CHMP3: variants seen among roughly 807,000 people sequenced by gnomAD.
CHMP3 encodes 25.1 protein.
In CHMP3, 8 loss-of-function variants were observed where a neutral mutation model predicts 27.4. The ratio of observed to expected loss-of-function variants is 0.29; its 90% CI spans 0.17 to 0.53. CHMP3 has a LOEUF of 0.53. Ranked by LOEUF, CHMP3 falls within the 20% of genes least tolerant of loss-of-function variation. CHMP3 has a pLI of 0.96. For synonymous variants in CHMP3, 86 were observed against 85.5 expected (o/e 1.01, Z -0.03); for missense variants, 208 against 271.5 (o/e 0.77, Z 1.64).
intron 1 of CHMP3, among the ~76,000 whole-genome samples, chr2:86,550,483 C>T (rs1234410241): frequency 6.6e-6 from 1 of 151,280 alleles, no homozygotes; most frequent in African/African-American, 2.4e-5. Flanking sequence ...AAACAAGACA[C>T]AAAGGCAATA....
chr2:86,530,277 G>C (rs555884426), intron 2 of CHMP3, among the ~76,000 whole-genome samples: 1 of 152,128 alleles, frequency 6.6e-6, no homozygotes, highest in Non-Finnish European at 1.5e-5. Flanking sequence ...ACAGGCATGA[G>C]CCACCGCACC....
intron 1 of CHMP3, among the ~76,000 whole-genome samples, chr2:86,550,344 C>A (rs1354056818): frequency 1.3e-5 from 2 of 151,672 alleles, no homozygotes; most frequent in African/African-American, 2.4e-5. Flanking sequence ...GCAGTACAGT[C>A]CAGCCTCGGC....
At chr2:86,547,554 T>C (rs1676659657) in intron 1 of CHMP3, among the ~76,000 whole-genome samples, 1 of 152,222 alleles carries the variant, frequency 6.6e-6, no homozygotes, top group African/African-American at 2.4e-5. Context: ...TTAAAAATAC[T>C]AATTTAACTG....
chr2:86,551,294 T>C (rs1484115105), intron 1 of CHMP3, among the ~76,000 whole-genome samples: 1 of 151,806 alleles, frequency 6.6e-6, no homozygotes, highest in Non-Finnish European at 1.5e-5. Flanking sequence ...TTTTTTTTTT[T>C]TGAGATGGAG....
At position 86,506,065 on chromosome 2, in the gene CHMP3, C is replaced by T; in HGVS notation, c.524-116G>A. 3 of 1,261,058 alleles carry T rather than the reference C, an allele frequency of 2.4e-6. No homozygotes were observed. In the East Asian group the frequency reaches 8.8e-5, roughly 37 times the overall value. 78.1% of individuals were successfully genotyped at this position (1,261,058 alleles called of 1,614,324 possible). The stretch of plus-strand genomic sequence containing the variant: ...CAGATACAAAAATGAGACAGTACAG[C>T]AAGCTGTTTTTGGGGGGGTTTACTC... On this transcript the variant is annotated intron_variant, in intron 5 of 5. Coordinates refer to ENST00000263856, the MANE Select transcript of CHMP3 (RefSeq NM_016079.4).
rs112655248 is a variant in CHMP3 at position 86,503,868 on chromosome 2, T to C, written c.*1936A>G. 2.5e-4 allele frequency: 38 copies of C among 152,330 alleles called. No homozygotes were observed. Among genetic ancestry groups the C allele is most frequent in the African/African-American group, 8.9e-4 (37 of 41,568 alleles). The allele number at this position is 152,330 out of a possible 1,614,324, so 9.4% of individuals were successfully genotyped here. ...TAGGAACAGGAAACCAAATATTCCA[T>C]GTTCTCACAAGTGGGAGTGAAATAA... On this transcript the variant is annotated 3_prime_UTR_variant, in exon 6 of 6. Transcript: ENST00000263856.
At chr2:86,551,144 T>A (rs543367610) in intron 1 of CHMP3, among the ~76,000 whole-genome samples, 3 of 152,212 alleles carry the variant, frequency 2.0e-5, no homozygotes, top group Non-Finnish European at 4.4e-5. Context: ...ATTAATCCTA[T>A]CAGGGGATAG....
At chr2:86,521,687 C>T (rs916384813) in intron 3 of CHMP3, among the ~76,000 whole-genome samples, 2 of 152,188 alleles carry the variant, frequency 1.3e-5, no homozygotes, top group Non-Finnish European at 2.9e-5. Context: ...TAGTATTCAT[C>T]CTTTTTTGAG....
At chr2:86,508,878 A>G (rs1335933921) in intron 4 of CHMP3, among the ~76,000 whole-genome samples, 2 of 152,360 alleles carry the variant, frequency 1.3e-5, no homozygotes, top group East Asian at 1.9e-4. Context: ...GGGGGCTACC[A>G]TAAAAGAAGT....
At chr2:86,511,776 CAG>C (rs1675116494) in intron 3 of CHMP3, 1 of 151,922 alleles carries the variant, frequency 6.6e-6, no homozygotes, top group Non-Finnish European at 1.5e-5. Flanking sequence ...GTCTGTAACC[CAG>C]AGAGAGTACC....
chr2:86,559,165 G>A (rs1440527596), intron 1 of CHMP3, among the ~76,000 whole-genome samples: 2 of 152,164 alleles, frequency 1.3e-5, no homozygotes, highest in Admixed American at 1.3e-4. Flanking sequence ...TTGAGGGTCT[G>A]GACATAACAA....
intron 3 of CHMP3, among the ~76,000 whole-genome samples, chr2:86,525,744 ATTT>A (rs781074090): frequency 6.6e-6 from 1 of 152,140 alleles, no homozygotes; most frequent in Non-Finnish European, 1.5e-5. Flanking sequence ...CATATGTTTA[ATTT>A]TTTAATGATG....
chr2:86,548,896 G>A (rs568984245), intron 1 of CHMP3, among the ~76,000 whole-genome samples: 1 of 149,438 alleles, frequency 6.7e-6, no homozygotes, highest in East Asian at 2.1e-4. Flanking sequence ...GGGCAGCCGG[G>A]CAGAGGTGCT....
chr2:86,540,466 TTGCATCATACCA>T (rs2103980055), intron 2 of CHMP3, among the ~76,000 whole-genome samples: 1 of 152,240 alleles, frequency 6.6e-6, no homozygotes, highest in African/African-American at 2.4e-5. Context: ...TTTGGAATGT[TTGCATCATACCA>T]TGCATCATAC....
chr2:86,523,501 C>T (rs72932362), intron 3 of CHMP3, among the ~76,000 whole-genome samples: 2,947 of 152,190 alleles, frequency 0.019, 29 homozygotes, highest in Non-Finnish European at 0.026. Flanking sequence ...GTAATATTCA[C>T]GATTTTAACC....
intron 2 of CHMP3, among the ~76,000 whole-genome samples, chr2:86,540,232 T>C (rs1030346896): frequency 6.6e-6 from 1 of 152,130 alleles, no homozygotes; most frequent in Non-Finnish European, 1.5e-5. Flanking sequence ...GCTTAATAGT[T>C]TTCATCATGT....
intron 3 of CHMP3, among the ~76,000 whole-genome samples, chr2:86,524,037 C>G (rs1449548121): frequency 6.6e-6 from 1 of 152,004 alleles, no homozygotes; most frequent in Non-Finnish European, 1.5e-5. Flanking sequence ...ATATATACAG[C>G]AATTACTATG....
At chr2:86,556,376 TG>T (rs556065445) in intron 1 of CHMP3, among the ~76,000 whole-genome samples, 233 of 152,352 alleles carry the variant, frequency 1.5e-3, no homozygotes, top group Non-Finnish European at 2.3e-3. Flanking sequence ...CACTGTCAGC[TG>T]AGTATATATC....
chr2:86,521,204 G>A (rs549925248), intron 3 of CHMP3, among the ~76,000 whole-genome samples: 1 of 151,936 alleles, frequency 6.6e-6, no homozygotes, highest in Non-Finnish European at 1.5e-5. Flanking sequence ...TCTCTTTTTG[G>A]ACTCAGCCCA....
Sources: allele counts gnomAD v4.1 joint callset (sites outside exome capture counted in the v4.1 genomes callset), GRCh38; gene constraint gnomAD v4.1.1; transcripts MANE v1.5; gene names NCBI Gene and HGNC (gene_info 2026-07-23, HGNC 2026-07-21).